The following NAA11 variants were observed in gnomAD, a reference collection of about 807,000 sequenced individuals.
The protein encoded by NAA11 is N-alpha-acetyltransferase 11, NatA catalytic subunit, also known as N-alpha-acetyltransferase 11.
A neutral mutation model predicts 16.1 loss-of-function variants in NAA11; 15 were observed. That is an observed-to-expected ratio of 0.93 (90% CI 0.62 to 1.44). The LOEUF (loss-of-function observed/expected upper bound fraction) is 1.44. Among genes scored for constraint, NAA11 ranks in the 40% most tolerant of loss-of-function variants. The pLI, the probability that NAA11 is intolerant of heterozygous loss-of-function variation, is 0.00. For missense variants in NAA11, 298 were observed against 291.3 expected (o/e 1.02, Z -0.17); for synonymous variants, 122 against 112.4 (o/e 1.09, Z -0.54).
chr4:79,187,236 G>A, the NAA11 span, among the ~76,000 whole-genome samples: 1 of 152,176 alleles, frequency 6.6e-6, no homozygotes, highest in Non-Finnish European at 1.5e-5. Flanking sequence ...TCTGACAGCT[G>A]TAAAGTGAGG....
At chr4:79,303,425 C>T (rs1578188503) in intron 1 of NAA11, among the ~76,000 whole-genome samples, 1 of 151,860 alleles carries the variant, frequency 6.6e-6, no homozygotes, top group African/African-American at 2.4e-5. Flanking sequence ...AAGCCTGGGA[C>T]GACAGGTGCG....
downstream of NAA11, among the ~76,000 whole-genome samples, chr4:79,312,872 T>C (rs1010435322): frequency 6.6e-6 from 1 of 152,150 alleles, no homozygotes; most frequent in African/African-American, 2.4e-5. Context: ...TTCAAAACCA[T>C]GTAAATAGGA....
intron 2 of NAA11, among the ~76,000 whole-genome samples, chr4:79,264,443 C>G (rs1164052685): frequency 6.6e-6 from 1 of 152,172 alleles, no homozygotes; most frequent in Non-Finnish European, 1.5e-5. Context: ...AGTTCCTACT[C>G]TATTTCTCTT....
chr4:79,207,922 G>A, the NAA11 span, among the ~76,000 whole-genome samples: 3 of 152,100 alleles, frequency 2.0e-5, no homozygotes, highest in African/African-American at 7.2e-5. Context: ...TTATATGCCA[G>A]TTGTAATATG....
the NAA11 span, among the ~76,000 whole-genome samples, chr4:79,207,740 G>T: frequency 1.3e-5 from 2 of 151,780 alleles, no homozygotes; most frequent in African/African-American, 4.8e-5. Flanking sequence ...TGGATGTTGG[G>T]GATTATGAGT....
chr4:79,325,125 G>C, intron 1 of NAA11, 51 bp downstream of exon 1: 5 of 1,456,146 alleles, frequency 3.4e-6, no homozygotes, highest in South Asian at 1.4e-5. Context: ...GGCCAAGGCA[G>C]GATGCAGGGA....
At chr4:79,302,347 T>G (rs980592654) in intron 1 of NAA11, among the ~76,000 whole-genome samples, 17 of 152,236 alleles carry the variant, frequency 1.1e-4, no homozygotes, top group African/African-American at 3.9e-4. Context: ...ACAATAAGTA[T>G]TCAAGGAAAA....
intron 2 of NAA11, chr4:79,245,088 A>G (rs896678290): frequency 4.1e-4 from 65 of 157,224 alleles, no homozygotes; most frequent in Non-Finnish European, 7.7e-4. Flanking sequence ...CTGGCCGCCT[A>G]TTGTCTGGGA....
At chr4:79,169,406 A>T in the NAA11 span, among the ~76,000 whole-genome samples, 1 of 152,316 alleles carries the variant, frequency 6.6e-6, no homozygotes, top group South Asian at 2.1e-4. Flanking sequence ...ACCAAAACAG[A>T]TATATAGATC....
At chr4:79,225,209 T>C (rs113588430), downstream of NAA11, among the ~76,000 whole-genome samples, 64 of 152,220 alleles carry the variant, frequency 4.2e-4, 1 homozygote, top group South Asian at 5.2e-3. Flanking sequence ...AGCTATGTAC[T>C]GTTTTTGCAA....
downstream of NAA11, among the ~76,000 whole-genome samples, chr4:79,223,403 C>A (rs1721237060): frequency 6.8e-6 from 1 of 147,416 alleles, no homozygotes; most frequent in Non-Finnish European, 1.5e-5. Context: ...GAACAAAAAA[C>A]CAAACACCGC....
intron 1 of NAA11, among the ~76,000 whole-genome samples, chr4:79,301,551 C>T (rs987776867): frequency 6.6e-6 from 1 of 152,162 alleles, no homozygotes; most frequent in Non-Finnish European, 1.5e-5. Flanking sequence ...GATTTTACTT[C>T]GGGCTCATTT....
intron 2 of NAA11, among the ~76,000 whole-genome samples, chr4:79,226,693 C>T (rs1169027861): frequency 6.6e-6 from 1 of 150,632 alleles, no homozygotes; most frequent in African/African-American, 2.4e-5. Context: ...TTTTTTTGTC[C>T]TTGCAATAGT....
the NAA11 span, among the ~76,000 whole-genome samples, chr4:79,161,933 G>A: frequency 1.7e-4 from 26 of 152,052 alleles, no homozygotes; most frequent in South Asian, 4.2e-4. Flanking sequence ...TGCCCACCTC[G>A]GCGTCCCAAA....
At chr4:79,256,882 G>A (rs1722125265) in intron 2 of NAA11, among the ~76,000 whole-genome samples, 1 of 151,642 alleles carries the variant, frequency 6.6e-6, no homozygotes, top group Non-Finnish European at 1.5e-5. Context: ...TCAAACTCCT[G>A]GCTGCTTTGG....
intron 2 of NAA11, among the ~76,000 whole-genome samples, chr4:79,287,480 A>C (rs968256): frequency 0.6 from 90,966 of 151,306 alleles, 28,753 homozygotes; most frequent in African/African-American, 0.8. Flanking sequence ...TTTCTTTTTT[A>C]TTCTTTTGGA....
chr4:79,285,175 A>G (rs1394561892), intron 2 of NAA11, among the ~76,000 whole-genome samples: 3 of 152,192 alleles, frequency 2.0e-5, no homozygotes, highest in African/African-American at 7.2e-5. Context: ...TCACCTTTCT[A>G]TTTATCAGAT....
At chr4:79,252,436 C>T (rs752080693) in intron 2 of NAA11, among the ~76,000 whole-genome samples, 3 of 152,048 alleles carry the variant, frequency 2.0e-5, no homozygotes, top group Non-Finnish European at 4.4e-5. Flanking sequence ...AGAGGTTGAG[C>T]TCCCATTCTC....
intron 2 of NAA11, among the ~76,000 whole-genome samples, chr4:79,258,120 T>A (rs113854814): frequency 6.6e-6 from 1 of 152,202 alleles, no homozygotes; most frequent in East Asian, 1.9e-4. Flanking sequence ...CCCTTCCAAG[T>A]TGGTGGGGCA....
Sources: gnomAD v4.1 joint callset for allele counts (sites outside exome capture counted in the v4.1 genomes callset) on GRCh38, gnomAD v4.1.1 for gene constraint, MANE v1.5 for transcripts, NCBI Gene and HGNC (gene_info 2026-07-23, HGNC 2026-07-21) for gene names.